Variants in ARHGAP24 observed in about 807,000 individuals in gnomAD.
The protein encoded by ARHGAP24 is Rho GTPase activating protein 24, also known as rho GTPase-activating protein 24.
In ARHGAP24, 50 loss-of-function variants were observed where a neutral mutation model predicts 76.4. That is an observed-to-expected ratio of 0.65 (90% CI 0.52 to 0.83). The LOEUF is 0.83. Among genes scored for constraint, ARHGAP24 ranks in the 40% least tolerant of loss-of-function variants. ARHGAP24 has a pLI of 0.00. For synonymous variants in ARHGAP24, 345 were observed against 323.3 expected (o/e 1.07, Z -0.72); for missense variants, 930 against 914.2 (o/e 1.02, Z -0.22).
At chr4:85,764,222 T>G (rs1031515376) in intron 3 of ARHGAP24, among the ~76,000 whole-genome samples, 2 of 152,066 alleles carry the variant, frequency 1.3e-5, no homozygotes, top group East Asian at 3.9e-4. Flanking sequence ...CTCTTCATAC[T>G]CAATTTTAAA....
At chr4:85,745,760 C>G (rs1435421761) in intron 3 of ARHGAP24, among the ~76,000 whole-genome samples, 2 of 152,146 alleles carry the variant, frequency 1.3e-5, no homozygotes, top group Non-Finnish European at 2.9e-5. Context: ...AAGTGTAATA[C>G]ATAGAAGAAT....
At chr4:85,517,262 T>C (rs1256510368) in intron 1 of ARHGAP24, among the ~76,000 whole-genome samples, 2 of 152,212 alleles carry the variant, frequency 1.3e-5, no homozygotes, top group African/African-American at 4.8e-5. Flanking sequence ...ACCTATCCCT[T>C]ATTTTTAAAC....
intron 7 of ARHGAP24, 65 bp from the exon 8 acceptor site, chr4:85,977,505 T>A: frequency 6.4e-7 from 1 of 1,562,596 alleles, no homozygotes; most frequent in Non-Finnish European, 8.8e-7. Context: ...TTTCTAATGA[T>A]CGATTTTTCT....
chr4:85,867,591 A>C (rs1382372675), intron 3 of ARHGAP24, among the ~76,000 whole-genome samples: 5 of 151,908 alleles, frequency 3.3e-5, no homozygotes, highest in African/African-American at 1.2e-4. Context: ...CTTGCTTCAT[A>C]AAGTAGTCAA....
intron 3 of ARHGAP24, among the ~76,000 whole-genome samples, chr4:85,851,021 G>A (rs867577105): frequency 3.3e-5 from 5 of 152,218 alleles, no homozygotes; most frequent in East Asian, 1.9e-4. Context: ...CTTCTGTCTC[G>A]TTGATCTGTT....
intron 9 of ARHGAP24, among the ~76,000 whole-genome samples, chr4:85,997,374 A>AT (rs1740734181): frequency 3.8e-3 from 3 of 790 alleles, no homozygotes; most frequent in African/African-American, 0.019. Context: ...TGATAGATAT[A>AT]GATAGATAGA....
chr4:85,757,590 C>A (rs1197609287), intron 3 of ARHGAP24, among the ~76,000 whole-genome samples: 1 of 152,142 alleles, frequency 6.6e-6, no homozygotes, highest in Non-Finnish European at 1.5e-5. Context: ...TGTATATGTG[C>A]CACATTTTCT....
At chr4:85,997,326 TGATAGATA>T in intron 9 of ARHGAP24, among the ~76,000 whole-genome samples, 1 of 142,408 alleles carries the variant, frequency 7.0e-6, no homozygotes, top group Non-Finnish European at 1.5e-5. Flanking sequence ...GATAGATAGA[TGATAGATA>T]GATAGATAGA....
At chr4:85,751,445 C>G (rs1377620816) in intron 3 of ARHGAP24, among the ~76,000 whole-genome samples, 1 of 152,002 alleles carries the variant, frequency 6.6e-6, no homozygotes, top group African/African-American at 2.4e-5. Context: ...ATTAGGATGG[C>G]CATAAGAAAT....
intron 3 of ARHGAP24, among the ~76,000 whole-genome samples, chr4:85,860,123 G>A (rs372437702): frequency 7.2e-5 from 11 of 152,158 alleles, no homozygotes; most frequent in African/African-American, 2.4e-4. Context: ...ACATGTGCTT[G>A]CCACGGGAAG....
At chr4:85,839,424 A>G (rs909711114) in intron 3 of ARHGAP24, among the ~76,000 whole-genome samples, 2 of 151,996 alleles carry the variant, frequency 1.3e-5, no homozygotes, top group African/African-American at 4.8e-5. Flanking sequence ...AAAGCTTTAA[A>G]CCTGAATATG....
intron 3 of ARHGAP24, among the ~76,000 whole-genome samples, chr4:85,830,368 G>A (rs1031037399): frequency 5.3e-5 from 8 of 152,164 alleles, no homozygotes; most frequent in Non-Finnish European, 8.8e-5. Flanking sequence ...CTACCAGGCA[G>A]CAAGGGCCAC....
At chr4:85,571,833 A>G (rs989195047) in intron 2 of ARHGAP24, among the ~76,000 whole-genome samples, 2 of 152,232 alleles carry the variant, frequency 1.3e-5, no homozygotes, top group African/African-American at 4.8e-5. Flanking sequence ...CTCTTTGTGC[A>G]TGAACACCAA....
chr4:85,722,493 C>G (rs1355159492), intron 3 of ARHGAP24: 1 of 159,878 alleles, frequency 6.3e-6, no homozygotes, highest in Non-Finnish European at 1.4e-5. Context: ...TGCTCCCAAC[C>G]AACCACTTCC....
chr4:85,858,347 G>C (rs1036920317), intron 3 of ARHGAP24, among the ~76,000 whole-genome samples: 3 of 152,108 alleles, frequency 2.0e-5, no homozygotes, highest in Non-Finnish European at 4.4e-5. Flanking sequence ...GTTGCTATTT[G>C]TTTAAACAAT....
chr4:85,924,255 T>C, intron 4 of ARHGAP24, among the ~76,000 whole-genome samples: 1 of 152,152 alleles, frequency 6.6e-6, no homozygotes, highest in Non-Finnish European at 1.5e-5. Flanking sequence ...TGTTGGTAAA[T>C]TTGAAAGTAA....
At chr4:85,835,771 C>T (rs1387615332) in intron 3 of ARHGAP24, among the ~76,000 whole-genome samples, 2 of 151,826 alleles carry the variant, frequency 1.3e-5, no homozygotes, top group African/African-American at 4.8e-5. Context: ...CTGCAACCTC[C>T]GCCTCCCGGG....
At chr4:85,695,416 G>A (rs1246552251) in intron 2 of ARHGAP24, among the ~76,000 whole-genome samples, 1 of 152,170 alleles carries the variant, frequency 6.6e-6, no homozygotes, top group East Asian at 1.9e-4. Context: ...CTCAGTGAAA[G>A]AGATTAAAAA....
At chr4:85,881,782 C>T (rs1733267193) in intron 3 of ARHGAP24, among the ~76,000 whole-genome samples, 1 of 152,124 alleles carries the variant, frequency 6.6e-6, no homozygotes, top group African/African-American at 2.4e-5. Flanking sequence ...TGCTGCAGCT[C>T]CTGTTCCCTT....
Sources: gnomAD v4.1 joint callset for allele counts (sites outside exome capture counted in the v4.1 genomes callset) on GRCh38, gnomAD v4.1.1 for gene constraint, MANE v1.5 for transcripts, NCBI Gene and HGNC (gene_info 2026-07-23, HGNC 2026-07-21) for gene names.